The following LRIF1 variants were observed in gnomAD, a reference collection of about 807,000 sequenced individuals.
LRIF1 encodes the protein ligand dependent nuclear receptor interacting factor 1, also known as ligand-dependent nuclear receptor-interacting factor 1.
In LRIF1, 32 loss-of-function variants were observed where a neutral mutation model predicts 52.7. The ratio of observed to expected loss-of-function variants is 0.61; its 90% CI spans 0.46 to 0.82. The LOEUF (loss-of-function observed/expected upper bound fraction) is 0.82. LRIF1 is among the 40% of genes least tolerant of loss of function. The pLI is 0.00. For synonymous variants in LRIF1, 323 were observed against 317.4 expected (o/e 1.02, Z -0.19); for missense variants, 887 against 892.0 (o/e 0.99, Z 0.07).
intron 1 of LRIF1, among the ~76,000 whole-genome samples, chr1:110,956,669 G>C (rs905094303): frequency 8.5e-5 from 13 of 152,244 alleles, no homozygotes; most frequent in Admixed American, 8.5e-4. Context: ...CAGAGAATAA[G>C]ATCACTGGGG....
the LRIF1 span, chr1:110,891,347 CCTTACAGAGTGAGGTAA>C: frequency 3.0e-3 from 3,924 of 1,296,132 alleles, 15 homozygotes; most frequent in Non-Finnish European, 3.0e-3. Context: ...TCTCTGGCTA[CCTTACAGAGTGAGGTAA>C]CTTACTTTCT....
the LRIF1 span, among the ~76,000 whole-genome samples, chr1:110,922,612 TC>T: frequency 1.3e-5 from 2 of 152,228 alleles, no homozygotes; most frequent in Non-Finnish European, 2.9e-5. Context: ...TATAAAGTTA[TC>T]CGTCCAATAT....
the LRIF1 span, chr1:110,894,349 T>G: frequency 6.2e-7 from 1 of 1,614,078 alleles, no homozygotes; most frequent in Non-Finnish European, 8.5e-7. Context: ...CTGCTGATTA[T>G]CCTCCTTGCT....
chr1:110,934,237 T>C, the LRIF1 span, among the ~76,000 whole-genome samples: 1 of 152,220 alleles, frequency 6.6e-6, no homozygotes, highest in African/African-American at 2.4e-5. Context: ...TGAGACTTGC[T>C]GGCTTCAGGT....
chr1:110,947,839 A>G lies in LRIF1; in HGVS notation c.*120T>C, dbSNP rs1658266380. On this transcript the variant is annotated 3_prime_UTR_variant, in exon 4 of 4. Transcript: ENST00000369763. Reference sequence around the variant, plus strand: ...TGTATTCCTTAAAGTTGTACAATCGACTGATGAAAAAACAAGCTTCATATT... The same window carrying G: ...TGTATTCCTTAAAGTTGTACAATCGGCTGATGAAAAAACAAGCTTCATATT... The G allele has an allele frequency of 3.7e-6, 5 of 1,344,472 alleles. No homozygotes were observed. Among genetic ancestry groups the G allele is most frequent in the South Asian group, 1.6e-5 (1 of 63,754 alleles). 83.3% of individuals were successfully genotyped at this position (1,344,472 alleles called of 1,614,324 possible). A position where few individuals can be genotyped will look rare whatever the true frequency, so the allele number is the denominator to read the frequency against.
chr1:110,934,619 G>T, the LRIF1 span, among the ~76,000 whole-genome samples: 3 of 152,212 alleles, frequency 2.0e-5, no homozygotes, highest in African/African-American at 7.2e-5. Flanking sequence ...TTTGGAAAGG[G>T]GAAGGAAGAG....
Position 110,948,374 on chromosome 1 carries a change from G to T in LRIF1, c.1895C>A (p.Ala632Glu), listed in dbSNP as rs2101103180. 2 of 1,611,198 alleles carry T rather than the reference G, an allele frequency of 1.2e-6. No individual in the cohort carries two copies. The highest frequency in any genetic ancestry group is 4.5e-5 in the East Asian group (2 of 44,836). The change falls in exon 4 of 4, where the codon GCA becomes GAA. Residue 632 changes from alanine (A) to glutamate (E), a missense_variant. Physicochemically the swap from Ala to Glu is moderately radical, Grantham distance 107. Transcript: ENST00000369763. ...GTGATCCATCTTCTTATTAGTTTTTGCTTTTCTTTTCTTATCAAAATTCTG... is the reference window on the plus strand; with the variant it reads ...GTGATCCATCTTCTTATTAGTTTTTTCTTTTCTTTTCTTATCAAAATTCTG... ...KQQNFDKKRK[A>E]KTNKKMDHIK...
the LRIF1 span, chr1:110,897,550 C>G: frequency 3.2e-6 from 1 of 309,362 alleles, no homozygotes; most frequent in Non-Finnish European, 6.0e-6. Flanking sequence ...CTCTTAGAAG[C>G]TAGTTTAACT....
Position 110,951,908 on chromosome 1 carries a change from T to A in LRIF1, c.976A>T (p.Asn326Tyr). The change falls in exon 2 of 4, where the codon AAT becomes TAT. Residue 326 changes from asparagine to tyrosine, a missense_variant. Physicochemically the swap from Asn to Tyr is moderately radical, Grantham distance 143 (BLOSUM62 -2). Coordinates refer to ENST00000369763, the MANE Select transcript of LRIF1 (RefSeq NM_018372.4). ...KILKTFVDRK[N>Y]LGDNTINMPP... ...ATATTTATAGTATTATCTCCCAAAT[T>A]TTTCCTATCTACAAAAGTTTTTAAA... 6.2e-7 allele frequency: 1 copy of A among 1,614,066 alleles called. No homozygotes were observed. The highest frequency in any genetic ancestry group is 8.5e-7 in the Non-Finnish European group (1 of 1,179,978).
downstream of LRIF1, chr1:110,944,952 A>G (rs1658169320): frequency 6.7e-6 from 1 of 150,248 alleles, no homozygotes; most frequent in South Asian, 2.1e-4. Context: ...ACTGGAATGC[A>G]GTGGCATGTT....
chr1:110,963,524 C>A, intron 1 of LRIF1, 97 bp downstream of exon 1: 1 of 1,022,300 alleles, frequency 9.8e-7, no homozygotes, highest in Non-Finnish European at 1.4e-6. Context: ...GGCTCCAACT[C>A]CTCTCAACTA....
the LRIF1 span, among the ~76,000 whole-genome samples, chr1:110,928,073 C>A: frequency 6.6e-6 from 1 of 152,050 alleles, no homozygotes; most frequent in African/African-American, 2.4e-5. Flanking sequence ...AAATTCCTGG[C>A]AGTTTTTGGC....
chr1:110,963,069 A>G (rs1411362914), intron 1 of LRIF1, among the ~76,000 whole-genome samples: 1 of 152,232 alleles, frequency 6.6e-6, no homozygotes, highest in African/African-American at 2.4e-5. Context: ...GCTGTTCAAA[A>G]GGACTGACTT....
At chr1:110,906,340 T>C in the LRIF1 span, among the ~76,000 whole-genome samples, 1 of 152,022 alleles carries the variant, frequency 6.6e-6, no homozygotes, top group Non-Finnish European at 1.5e-5. Flanking sequence ...AGGCCAGGCA[T>C]TTGAAACCAG....
intron 1 of LRIF1, among the ~76,000 whole-genome samples, chr1:110,959,266 A>G (rs892762739): frequency 8.5e-5 from 13 of 152,374 alleles, no homozygotes; most frequent in African/African-American, 2.9e-4. Flanking sequence ...TCTGGTTCTT[A>G]TAATTACAAG....
chr1:110,901,558 C>A, the LRIF1 span, among the ~76,000 whole-genome samples: 1 of 143,696 alleles, frequency 7.0e-6, no homozygotes, highest in Non-Finnish European at 1.5e-5. Context: ...CTCACTGTAA[C>A]CTCTGCCTCC....
At chr1:110,895,172 C>T in the LRIF1 span, 2 of 738,080 alleles carry the variant, frequency 2.7e-6, no homozygotes, top group Non-Finnish European at 4.8e-6. Flanking sequence ...ATCCCTGAAT[C>T]CCAGAATAAT....
At chr1:110,952,867 T>A in intron 1 of LRIF1, 52 bp from the exon 2 acceptor site, 1 of 940,554 alleles carries the variant, frequency 1.1e-6, no homozygotes, top group Non-Finnish European at 1.4e-6. Context: ...GTATATACAT[T>A]TTATTTAAAA....
the LRIF1 span, among the ~76,000 whole-genome samples, chr1:110,886,725 G>A: frequency 5.3e-5 from 8 of 151,398 alleles, no homozygotes; most frequent in African/African-American, 1.9e-4. Context: ...GGCACGTGCT[G>A]TGGTCCCAGC....
Sources: allele counts gnomAD v4.1 joint callset (sites outside exome capture counted in the v4.1 genomes callset), GRCh38; gene constraint gnomAD v4.1.1; transcripts MANE v1.5; gene names NCBI Gene and HGNC (gene_info 2026-07-23, HGNC 2026-07-21).